ANKS1B: variants seen among roughly 807,000 people sequenced by gnomAD.
ANKS1B encodes ankyrin repeat and sterile alpha motif domain containing 1B, also known as ankyrin repeat and sterile alpha motif domain-containing protein 1B.
A neutral mutation model predicts 148.3 loss-of-function variants in ANKS1B; 36 were observed. That is an observed-to-expected ratio of 0.24 (90% CI 0.19 to 0.32). The LOEUF is 0.32. Among genes scored for constraint, ANKS1B ranks in the 10% least tolerant of loss-of-function variants. ANKS1B has a pLI of 1.00. For synonymous variants in ANKS1B, 542 were observed against 560.8 expected (o/e 0.97, Z 0.47); for missense variants, 1,157 against 1,542.6 (o/e 0.75, Z 4.19).
In ANKS1B at chr12:98,750,359, A is replaced by G. The variant is rs1038396894; in HGVS notation, c.3747+996T>C. On this transcript the variant is annotated intron_variant, in intron 26 of 26. Coordinates refer to ENST00000683438, the MANE Select transcript of ANKS1B (RefSeq NM_001352186.2). The stretch of plus-strand genomic sequence containing the variant: ...TAAACTGTCAGGGAACTGTGAGACC[A>G]GATGCTGGAGGGGTCAATCCTGTGG... Among the ~76,000 whole-genome samples, 3 of 152,290 alleles carry G rather than the reference A, an allele frequency of 2.0e-5. 1 individual carries two copies. Among genetic ancestry groups the G allele is most frequent in the African/African-American group, 7.2e-5 (3 of 41,570 alleles).
At chr12:99,301,590 C>T (rs887605126) in intron 12 of ANKS1B, among the ~76,000 whole-genome samples, 18 of 152,018 alleles carry the variant, frequency 1.2e-4, no homozygotes, top group African/African-American at 4.3e-4. Context: ...ATTAAATGTA[C>T]ATAATAGATT....
chr12:99,902,881 G>T lies in ANKS1B; in HGVS notation c.135-77492C>A, dbSNP rs1225102143. Among the ~76,000 whole-genome samples, 4 of 151,612 alleles carry T rather than the reference G, an allele frequency of 2.6e-5. No homozygotes were observed. The East Asian group carries it at 7.8e-4, about 30-fold the overall frequency. On this transcript the variant is annotated intron_variant, in intron 1 of 26. Transcript: ENST00000683438. Reference sequence around the variant, plus strand: ...TTCTCCTGTCTCAGCCTCCCAAGCAGCTGGGACTACAGGCATGCACCACCA... The same window carrying T: ...TTCTCCTGTCTCAGCCTCCCAAGCATCTGGGACTACAGGCATGCACCACCA...
At chr12:99,945,706 G>A (rs764978501) in intron 1 of ANKS1B, among the ~76,000 whole-genome samples, 10 of 152,146 alleles carry the variant, frequency 6.6e-5, no homozygotes, top group African/African-American at 2.2e-4. Context: ...AAGCAGCTGC[G>A]AGACTGTTGG....
At chr12:99,722,629 A>G (rs1285676638) in intron 8 of ANKS1B, among the ~76,000 whole-genome samples, 7 of 152,188 alleles carry the variant, frequency 4.6e-5, no homozygotes, top group African/African-American at 1.7e-4. Context: ...CAAGGAGACT[A>G]ATGTTTTCAT....
At chr12:99,492,886 C>G (rs533538639) in intron 10 of ANKS1B, among the ~76,000 whole-genome samples, 1 of 152,264 alleles carries the variant, frequency 6.6e-6, no homozygotes, top group South Asian at 2.1e-4. Context: ...AAGGCACAGA[C>G]CTCAAAATAA....
intron 12 of ANKS1B, among the ~76,000 whole-genome samples, chr12:99,394,246 C>T (rs2152560878): frequency 6.6e-6 from 1 of 152,250 alleles, no homozygotes; most frequent in Middle Eastern, 3.4e-3. Context: ...AACAGATCTT[C>T]CCCAGATTCC....
intron 12 of ANKS1B, among the ~76,000 whole-genome samples, chr12:99,308,644 G>C (rs1602669134): frequency 6.6e-6 from 1 of 151,576 alleles, no homozygotes; most frequent in African/African-American, 2.4e-5. Flanking sequence ...TGCTTGTTAA[G>C]ATCCAAAAAA....
At chr12:98,817,710 T>G (rs531701555) in intron 19 of ANKS1B, among the ~76,000 whole-genome samples, 1 of 152,374 alleles carries the variant, frequency 6.6e-6, no homozygotes, top group African/African-American at 2.4e-5. Context: ...GAAAAAGTTA[T>G]GCATGCACCC....
chr12:99,497,992 C>A (rs539573086), intron 10 of ANKS1B, among the ~76,000 whole-genome samples: 1 of 152,280 alleles, frequency 6.6e-6, no homozygotes, highest in African/African-American at 2.4e-5. Context: ...CCCTGAAGTA[C>A]AATTCTCAAA....
At chr12:99,595,570 C>T (rs984441412) in intron 9 of ANKS1B, among the ~76,000 whole-genome samples, 1 of 151,808 alleles carries the variant, frequency 6.6e-6, no homozygotes, top group Non-Finnish European at 1.5e-5. Flanking sequence ...AAATATAAAA[C>T]TAATTATGTC....
chr12:99,637,224 A>C (rs1228863393), intron 9 of ANKS1B, among the ~76,000 whole-genome samples: 2 of 152,208 alleles, frequency 1.3e-5, no homozygotes, highest in African/African-American at 4.8e-5. Context: ...AGGCAGGAGA[A>C]TCACTTTAAC....
chr12:99,195,246 A>C (rs1405049403), intron 14 of ANKS1B, among the ~76,000 whole-genome samples: 1 of 152,164 alleles, frequency 6.6e-6, no homozygotes, highest in Admixed American at 6.5e-5. Flanking sequence ...CTTCATGGAC[A>C]CTAATTTAGT....
chr12:98,930,529 T>C (rs984443962), intron 17 of ANKS1B, among the ~76,000 whole-genome samples: 8 of 152,280 alleles, frequency 5.3e-5, no homozygotes, highest in East Asian at 3.9e-4. Context: ...GTCTAAACAA[T>C]TCAAATGTCC....
intron 24 of ANKS1B, among the ~76,000 whole-genome samples, chr12:98,777,087 G>C (rs2098686358): frequency 1.3e-5 from 2 of 152,164 alleles, no homozygotes; most frequent in African/African-American, 2.4e-5. Context: ...CAGCTGCTCT[G>C]GAGGCTGAGG....
intron 1 of ANKS1B, among the ~76,000 whole-genome samples, chr12:99,881,200 G>A (rs925232899): frequency 2.0e-5 from 3 of 152,192 alleles, no homozygotes; most frequent in African/African-American, 7.2e-5. Context: ...GGCTCAACAG[G>A]TAGGAAAACA....
intron 17 of ANKS1B, among the ~76,000 whole-genome samples, chr12:98,978,261 ATTAT>A (rs1298457758): frequency 1.3e-5 from 2 of 149,556 alleles, no homozygotes; most frequent in Admixed American, 6.7e-5. Context: ...CTTCTTTTGG[ATTAT>A]TTGTTTTAGT....
At position 99,154,369 on chromosome 12, in the gene ANKS1B, C is replaced by T; in HGVS notation, c.2446G>A (p.Gly816Arg). 6.2e-7 allele frequency: 1 copy of T among 1,613,728 alleles called. No individual in the cohort carries two copies. Among genetic ancestry groups the T allele is most frequent in the Non-Finnish European group, 8.5e-7 (1 of 1,179,734 alleles). The change falls in exon 15 of 27, where the codon GGA becomes AGA. Residue 816 changes from glycine (G) to arginine (R), a missense_variant. Around this residue, in one of 6 missense-constraint regions of ANKS1B, gnomAD observed 258 missense variants for 497.0 expected, o/e 0.52. Coordinates refer to ENST00000683438, the MANE Select transcript of ANKS1B (RefSeq NM_001352186.2). ...AGCCCAATGCTTTCCAACCATTGTC[C>T]CACTGTTTGGACAGGGCATCTGGGT... ...TRPRCPVQTV[G>R]QWLESIGLPQ...
At chr12:99,219,822 T>C (rs549285604) in intron 14 of ANKS1B, among the ~76,000 whole-genome samples, 6 of 152,320 alleles carry the variant, frequency 3.9e-5, no homozygotes, top group Admixed American at 3.9e-4. Flanking sequence ...AAAATTCCAG[T>C]TGATGTATGA....
chr12:99,251,934 G>C (rs2074657495), intron 12 of ANKS1B, among the ~76,000 whole-genome samples: 1 of 152,140 alleles, frequency 6.6e-6, no homozygotes, highest in Non-Finnish European at 1.5e-5. Flanking sequence ...CAGTGTCAAA[G>C]GCAATGTCCT....
Sources: gnomAD v4.1 joint callset for allele counts (sites outside exome capture counted in the v4.1 genomes callset) on GRCh38, gnomAD v4.1.1 for gene constraint, gnomAD v4.1.1 regional missense constraint, MANE v1.5 for transcripts, NCBI Gene and HGNC (gene_info 2026-07-23, HGNC 2026-07-21) for gene names.